Variants in ATXN10 observed in about 807,000 individuals in gnomAD.
ATXN10 encodes ataxin-10.
ATXN10 carries 28 observed loss-of-function variants against 52.9 expected under a neutral mutation model. The observed-to-expected ratio is 0.53, with a 90% CI of 0.39 to 0.73. ATXN10 has a LOEUF of 0.73. Ranked by LOEUF, ATXN10 falls within the 30% of genes least tolerant of loss-of-function variation. ATXN10 has a pLI of 0.00. For synonymous variants in ATXN10, 226 were observed against 221.5 expected, an observed-to-expected ratio of 1.02 and a Z score of -0.18; for missense variants, 565 against 577.0, an observed-to-expected ratio of 0.98 and a Z score of 0.21.
chr22:45,837,783 A>G lies in ATXN10; in HGVS notation c.1238-5208A>G, dbSNP rs939207120. Among the ~76,000 whole-genome samples the G allele has an allele frequency of 1.3e-5, 2 of 152,358 alleles. No homozygotes were observed. The highest frequency in any genetic ancestry group is 2.1e-4 in the South Asian group (1 of 4,830). The stretch of plus-strand genomic sequence containing the variant: ...GTGCCGTAGAACCTTGTTTACGGAT[A>G]CGGACATTTGAATTTCAAATTTTCA... On this transcript the variant is annotated intron_variant, in intron 10 of 11. Transcript: ENST00000252934. This position sits in a 1 kb window ranked among gnomAD's most constrained non-coding sequence, Gnocchi z 5.8.
chr22:45,776,548 C>A (rs16994514), intron 9 of ATXN10, among the ~76,000 whole-genome samples: 1 of 151,264 alleles, frequency 6.6e-6, no homozygotes, highest in Non-Finnish European at 1.5e-5. Flanking sequence ...TGCTTTAAGG[C>A]AATTAAACTG....
chr22:45,842,182 G>GTTTTTGTACAGTCC lies in ATXN10; in HGVS notation c.1238-805_1238-792dup, dbSNP rs1929366078. On this transcript the variant is annotated intron_variant, in intron 10 of 11. Transcript: ENST00000252934. The surrounding 1 kb of genome is among the most constrained non-coding windows in gnomAD (Gnocchi z 4.8). Reference sequence around the variant, plus strand: ...CCACTGAAGACTGGTCCCTGCAGTAGTTTTTGTACAGTCCTTTATAGAACT... The same window carrying GTTTTTGTACAGTCC: ...CCACTGAAGACTGGTCCCTGCAGTAGTTTTTGTACAGTCCTTTTTGTACAGTCCTTTATAGAACT... Among the ~76,000 whole-genome samples, 1 of 152,156 alleles carries GTTTTTGTACAGTCC rather than the reference G, an allele frequency of 6.6e-6. No individual in the cohort carries two copies. Among genetic ancestry groups the GTTTTTGTACAGTCC allele is most frequent in the Non-Finnish European group, 1.5e-5 (1 of 68,024 alleles).
chr22:45,729,781 A>G, intron 7 of ATXN10, 191 bp downstream of exon 7: 2 of 694,112 alleles, frequency 2.9e-6, no homozygotes, highest in South Asian at 1.5e-5. Context: ...ATCCAGAGTC[A>G]ATGACTTAGG....
chr22:45,843,771 C>A lies in ATXN10; in HGVS notation c.*100C>A. On this transcript the variant is annotated 3_prime_UTR_variant, in exon 12 of 12. Transcript: ENST00000252934. This position sits in a 1 kb window ranked among gnomAD's most constrained non-coding sequence, Gnocchi z 4.5. ...GCAAGTGTTTGAAGATTTATAAGTA[C>A]AAATTTGGGAACATACAAATCTTTT... 8.3e-7 allele frequency: 1 copy of A among 1,204,650 alleles called. No individual in the cohort carries two copies. Among genetic ancestry groups the A allele is most frequent in the Non-Finnish European group, 1.2e-6 (1 of 825,792 alleles). The allele number at this position is 1,204,650 out of a possible 1,614,324, so 74.6% of individuals were successfully genotyped here. A position where few individuals can be genotyped will look rare whatever the true frequency, so the allele number is the denominator to read the frequency against.
intron 9 of ATXN10, among the ~76,000 whole-genome samples, chr22:45,803,122 C>T (rs1241624475): frequency 6.7e-6 from 1 of 149,614 alleles, no homozygotes; most frequent in Non-Finnish European, 1.5e-5. Context: ...TAAACACACT[C>T]ACAGTTACTC....
chr22:45,729,416 GT>G lies in ATXN10; in HGVS notation c.729-5del. 6.2e-7 allele frequency: 1 copy of G among 1,613,848 alleles called. No homozygotes were observed. Among genetic ancestry groups the G allele is most frequent in the Non-Finnish European group, 8.5e-7 (1 of 1,179,808 alleles). The stretch of plus-strand genomic sequence containing the variant: ...ATAGATTCATGCAGAAATCCTTTAT[GT>G]TTTACAGAGTTACACTGTTAGACCT... On this transcript the variant is annotated splice_region_variant and splice_polypyrimidine_tract_variant and intron_variant, in intron 6 of 11. Transcript: ENST00000252934.
At position 45,840,965 on chromosome 22, in the gene ATXN10, G is replaced by T. The variant is rs1291333529; in HGVS notation, c.1238-2026G>T. On this transcript the variant is annotated intron_variant, in intron 10 of 11. Coordinates refer to ENST00000252934, the MANE Select transcript of ATXN10 (RefSeq NM_013236.4). The surrounding 1 kb of genome is among the most constrained non-coding windows in gnomAD (Gnocchi z 5.8). Reference sequence around the variant, plus strand: ...CTTTTCCTACAAAAGGTGAGAAAATGAGTTTGTGTATCGACAGTGACATCC... The same window carrying T: ...CTTTTCCTACAAAAGGTGAGAAAATTAGTTTGTGTATCGACAGTGACATCC... Among the ~76,000 whole-genome samples the T allele has an allele frequency of 6.6e-6, 1 of 152,142 alleles. No homozygotes were observed.
intron 5 of ATXN10, among the ~76,000 whole-genome samples, chr22:45,711,636 G>C (rs1235249636): frequency 6.6e-6 from 1 of 152,138 alleles, no homozygotes; most frequent in Admixed American, 6.5e-5. Context: ...AGGGTACACA[G>C]AATCTCTCTT....
In ATXN10 at chr22:45,732,023, T is replaced by G. The variant is rs911559356; in HGVS notation, c.894+2433T>G. 6.6e-6 allele frequency among the ~76,000 whole-genome samples: 1 copy of G among 152,234 alleles called. No homozygotes were observed. The highest frequency in any genetic ancestry group is 1.5e-5 in the Non-Finnish European group (1 of 68,042). ...CACAGCTTTAAACTTTTCAGGGCAC[T>G]TCTGTTTAAAATATAGGTGATTTCA... On this transcript the variant is annotated intron_variant, in intron 7 of 11. Coordinates refer to ENST00000252934, the MANE Select transcript of ATXN10 (RefSeq NM_013236.4). The surrounding 1 kb of genome is among the most constrained non-coding windows in gnomAD (Gnocchi z 4.5).
chr22:45,692,870 A>G, intron 2 of ATXN10, 126 bp from the exon 3 acceptor site: 4 of 784,516 alleles, frequency 5.1e-6, no homozygotes, highest in Non-Finnish European at 8.8e-6. Context: ...AGAGCCAGAT[A>G]ATAAATAATT....
intron 6 of ATXN10, among the ~76,000 whole-genome samples, chr22:45,726,678 C>G (rs938293801): frequency 1.3e-5 from 2 of 152,068 alleles, no homozygotes; most frequent in Admixed American, 6.6e-5. Context: ...TTTTCTTTTG[C>G]TAGCTTTGGG....
chr22:45,825,802 A>T lies in ATXN10; in HGVS notation c.1238-17189A>T, dbSNP rs1202159594. ...AATAAAACAATATATGGACAAGCCCAGGTGCAGTGGCTGACACCAGTAATC... is the reference window on the plus strand; with the variant it reads ...AATAAAACAATATATGGACAAGCCCTGGTGCAGTGGCTGACACCAGTAATC... On this transcript the variant is annotated intron_variant, in intron 10 of 11. Transcript: ENST00000252934. This position sits in a 1 kb window ranked among gnomAD's most constrained non-coding sequence, Gnocchi z 4.5. Among the ~76,000 whole-genome samples the T allele has an allele frequency of 6.6e-6, 1 of 152,234 alleles. No individual in the cohort carries two copies. The highest frequency in any genetic ancestry group is 1.5e-5 in the Non-Finnish European group (1 of 68,044).
chr22:45,788,170 C>T (rs1927383519), intron 9 of ATXN10, among the ~76,000 whole-genome samples: 1 of 151,950 alleles, frequency 6.6e-6, no homozygotes, highest in African/African-American at 2.4e-5. Context: ...GTCCCTGGGG[C>T]TCCACACTAG....
chr22:45,800,347 G>A (rs1034506863), intron 9 of ATXN10, among the ~76,000 whole-genome samples: 16 of 152,174 alleles, frequency 1.1e-4, no homozygotes, highest in Non-Finnish European at 2.2e-4. Flanking sequence ...TAACGAAACA[G>A]AAATGTCCCA....
chr22:45,688,178 ATT>A lies in ATXN10; in HGVS notation c.117-1531_117-1530del, dbSNP rs1452370774. ...GGCAAGATTAGTGCTGTACCCTTGA[ATT>A]TTCATTTCTTAATTTGGTCACTCAG... On this transcript the variant is annotated intron_variant, in intron 1 of 11. Transcript: ENST00000252934. This position sits in a 1 kb window ranked among gnomAD's most constrained non-coding sequence, Gnocchi z 4.0. 6.6e-6 allele frequency among the ~76,000 whole-genome samples: 1 copy of A among 152,126 alleles called. No homozygotes were observed. The highest frequency in any genetic ancestry group is 2.4e-5 in the African/African-American group (1 of 41,414).
In ATXN10 at chr22:45,684,137, G is replaced by GT. The variant is rs5845725; in HGVS notation, c.117-5561dup. Among the ~76,000 whole-genome samples, 94 of 137,330 alleles carry GT rather than the reference G, an allele frequency of 6.8e-4. No individual in the cohort carries two copies. The highest frequency in any genetic ancestry group is 1.5e-3 in the East Asian group (7 of 4,800). The allele number at this position is 137,330 out of a possible 152,430, so 90.1% of individuals were successfully genotyped here. ...CCAGCTAATTAAAACAAGTTTTTTTGTTTTTTTTTTTTTTGTAGAGATAGG... is the reference window on the plus strand; with the variant it reads ...CCAGCTAATTAAAACAAGTTTTTTTGTTTTTTTTTTTTTTTGTAGAGATAGG... On this transcript the variant is annotated intron_variant, in intron 1 of 11. Transcript: ENST00000252934. This position sits in a 1 kb window ranked among gnomAD's most constrained non-coding sequence, Gnocchi z 4.1.
Position 45,727,179 on chromosome 22 carries a change from A to G in ATXN10, c.729-2246A>G, listed in dbSNP as rs1455880961. The stretch of plus-strand genomic sequence containing the variant: ...ACTTTTAAATGTCCGTCTTGATTTC[A>G]TTGTTAACCCCCAAATCATGCAGGA... On this transcript the variant is annotated intron_variant, in intron 6 of 11. Transcript: ENST00000252934. This position sits in a 1 kb window ranked among gnomAD's most constrained non-coding sequence, Gnocchi z 4.6. Among the ~76,000 whole-genome samples, 2 of 152,124 alleles carry G rather than the reference A, an allele frequency of 1.3e-5. No individual in the cohort carries two copies. The highest frequency in any genetic ancestry group is 2.9e-5 in the Non-Finnish European group (2 of 68,004).
At position 45,844,918 on chromosome 22, in the gene ATXN10, A is replaced by C. The variant is rs566695658; in HGVS notation, c.*1247A>C. 1 of 152,368 alleles carries C rather than the reference A, an allele frequency of 6.6e-6. No homozygotes were observed. Among genetic ancestry groups the C allele is most frequent in the African/African-American group, 2.4e-5 (1 of 41,590 alleles). 9.4% of individuals were successfully genotyped at this position (152,368 alleles called of 1,614,324 possible). ...AAATAGCTTAAGCATGTTGAGAATG[A>C]AGTAAAAGTTTTCCCATGTGCTGTC... On this transcript the variant is annotated 3_prime_UTR_variant, in exon 12 of 12. Coordinates refer to ENST00000252934, the MANE Select transcript of ATXN10 (RefSeq NM_013236.4).
At chr22:45,821,263 G>T (rs1165000196) in intron 10 of ATXN10, among the ~76,000 whole-genome samples, 1 of 151,410 alleles carries the variant, frequency 6.6e-6, no homozygotes, top group Non-Finnish European at 1.5e-5. Flanking sequence ...ACGCCTCCCA[G>T]CTATTCAGGA....
Sources: gnomAD v4.1 joint callset for allele counts (sites outside exome capture counted in the v4.1 genomes callset) on GRCh38, gnomAD v4.1.1 for gene constraint, Gnocchi (gnomAD v3.1) non-coding constraint, MANE v1.5 for transcripts, NCBI Gene and HGNC (gene_info 2026-07-23, HGNC 2026-07-21) for gene names.